Variants in RAPGEF2 observed in about 807,000 individuals in gnomAD.
RAPGEF2 encodes the protein Rap guanine nucleotide exchange factor 2.
A neutral mutation model predicts 186.7 loss-of-function variants in RAPGEF2; 54 were observed. That is an observed-to-expected ratio of 0.29 (90% confidence interval 0.23 to 0.36). The LOEUF is 0.36. RAPGEF2 is among the 10% of genes least tolerant of loss of function. The pLI, the probability that RAPGEF2 is intolerant of heterozygous loss-of-function variation, is 1.00. For synonymous variants in RAPGEF2, 712 were observed against 705.9 expected, an observed-to-expected ratio of 1.01 and a Z score of -0.14; for missense variants, 1,532 against 2,045.0, an observed-to-expected ratio of 0.75 and a Z score of 4.84.
intron 1 of RAPGEF2, among the ~76,000 whole-genome samples, chr4:159,153,628 A>G (rs2111197600): frequency 6.6e-6 from 1 of 152,298 alleles, no homozygotes; most frequent in Admixed American, 6.5e-5. Context: ...CCTATCACTG[A>G]CTTTCTAAGG....
chr4:159,352,460 G>C (rs1016177518), intron 26 of RAPGEF2: 1 of 488,484 alleles, frequency 2.0e-6, no homozygotes, highest in Non-Finnish European at 3.6e-6. Flanking sequence ...CTAGCTTGTA[G>C]GATACTTTCT....
At chr4:159,291,148 T>C (rs1761162732) in intron 7 of RAPGEF2, among the ~76,000 whole-genome samples, 1 of 152,198 alleles carries the variant, frequency 6.6e-6, no homozygotes, top group African/African-American at 2.4e-5. Flanking sequence ...TACCCGTCAC[T>C]AGAAAAGGAG....
At chr4:159,121,133 G>A (rs186751832) in intron 1 of RAPGEF2, among the ~76,000 whole-genome samples, 224 of 152,196 alleles carry the variant, frequency 1.5e-3, no homozygotes, top group African/African-American at 5.0e-3. Flanking sequence ...AATTACAGGC[G>A]TGAGCTTCTG....
chr4:159,331,659 T>C lies in RAPGEF2; in HGVS notation c.1605T>C (p.Asn535=). ...TGGGTGGACACCTAAGGCTGTTGAATATCGCGTGTGCTGCTAAAGCAAAAA... is the reference window on the plus strand; with the variant it reads ...TGGGTGGACACCTAAGGCTGTTGAACATCGCGTGTGCTGCTAAAGCAAAAA... ...EKMGGHLRLL[N]IACAAKAKRR... is the part of the protein sequence containing the mutation. The change falls in exon 15 of 30, where the codon AAT becomes AAC. Residue 535 remains asparagine, a synonymous_variant. Coordinates refer to ENST00000691494, the MANE Select transcript of RAPGEF2 (RefSeq NM_001394067.2). 6.2e-7 allele frequency: 1 copy of C among 1,614,180 alleles called. No homozygotes were observed. Among genetic ancestry groups the C allele is most frequent in the African/African-American group, 1.3e-5 (1 of 75,064 alleles).
At chr4:159,335,794 C>A (rs1422403477) in intron 17 of RAPGEF2, among the ~76,000 whole-genome samples, 1 of 148,158 alleles carries the variant, frequency 6.7e-6, no homozygotes, top group Non-Finnish European at 1.5e-5. Flanking sequence ...CGAGATTGTG[C>A]CACTGCATTA....
intron 1 of RAPGEF2, among the ~76,000 whole-genome samples, chr4:159,150,208 A>G (rs1039316753): frequency 9.2e-5 from 14 of 152,094 alleles, no homozygotes; most frequent in African/African-American, 2.9e-4. Flanking sequence ...TAAAGTCACC[A>G]TGACCACTGA....
chr4:159,191,965 C>A (rs1259054941), intron 2 of RAPGEF2, among the ~76,000 whole-genome samples: 1 of 152,124 alleles, frequency 6.6e-6, no homozygotes, highest in African/African-American at 2.4e-5. Flanking sequence ...CGGGGTCTTA[C>A]ACAGGAGTGC....
intron 1 of RAPGEF2, among the ~76,000 whole-genome samples, chr4:159,107,947 C>A (rs1164940965): frequency 6.6e-6 from 1 of 152,128 alleles, no homozygotes; most frequent in Non-Finnish European, 1.5e-5. Flanking sequence ...TTTTGGGGCT[C>A]TAGTAATATT....
intron 1 of RAPGEF2, among the ~76,000 whole-genome samples, chr4:159,104,447 C>G (rs1400618296): frequency 6.6e-6 from 1 of 150,692 alleles, no homozygotes; most frequent in African/African-American, 2.5e-5. Flanking sequence ...CTCCTTAACT[C>G]TTCCCTCCCC....
At chr4:159,257,418 C>T (rs1354005712) in intron 7 of RAPGEF2, among the ~76,000 whole-genome samples, 2 of 152,130 alleles carry the variant, frequency 1.3e-5, no homozygotes, top group African/African-American at 4.8e-5. Flanking sequence ...ACCATCAAAT[C>T]TCATGAGACC....
chr4:159,216,302 G>A (rs980955449), intron 4 of RAPGEF2, among the ~76,000 whole-genome samples: 1 of 152,148 alleles, frequency 6.6e-6, no homozygotes, highest in Non-Finnish European at 1.5e-5. Flanking sequence ...GAACAAGTAA[G>A]TTGTACGGTG....
chr4:159,329,731 A>T, intron 11 of RAPGEF2, 127 bp from the exon 12 acceptor site: 1 of 692,346 alleles, frequency 1.4e-6, no homozygotes, highest in Non-Finnish European at 2.3e-6. Context: ...TTACAGCATT[A>T]ATTTAGAAAG....
At chr4:159,107,925 T>C (rs115549121) in intron 1 of RAPGEF2, among the ~76,000 whole-genome samples, 2,897 of 152,346 alleles carry the variant, frequency 0.019, 100 homozygotes, top group African/African-American at 0.065. Context: ...ACTCTCATTA[T>C]ATTTTAGCCC....
chr4:159,271,663 T>C (rs1441238673), intron 7 of RAPGEF2, among the ~76,000 whole-genome samples: 1 of 152,178 alleles, frequency 6.6e-6, no homozygotes, highest in Non-Finnish European at 1.5e-5. Context: ...CCTACCCCTA[T>C]GTGACCAAAT....
chr4:159,339,858 T>C (rs562521428), intron 19 of RAPGEF2, among the ~76,000 whole-genome samples: 2 of 152,376 alleles, frequency 1.3e-5, no homozygotes, highest in African/African-American at 4.8e-5. Flanking sequence ...CTGCCTGTTA[T>C]TGTACATTAT....
intron 28 of RAPGEF2, 71 bp downstream of exon 28, chr4:159,354,117 A>C: frequency 7.1e-7 from 1 of 1,399,344 alleles, no homozygotes; most frequent in Non-Finnish European, 9.6e-7. Flanking sequence ...ACAATAGTAA[A>C]ATTATGTGTT....
intron 7 of RAPGEF2, among the ~76,000 whole-genome samples, chr4:159,270,293 A>G (rs950944500): frequency 2.6e-5 from 4 of 152,196 alleles, no homozygotes; most frequent in African/African-American, 9.7e-5. Flanking sequence ...GGAGTTGAAT[A>G]AGAAAATAGT....
intron 7 of RAPGEF2, among the ~76,000 whole-genome samples, chr4:159,288,132 T>C (rs1387153878): frequency 6.6e-6 from 1 of 152,228 alleles, no homozygotes; most frequent in Non-Finnish European, 1.5e-5. Context: ...GTATTCTCTC[T>C]ATAATTTCAT....
At chr4:159,305,522 G>A (rs1346593203) in intron 8 of RAPGEF2, among the ~76,000 whole-genome samples, 1 of 151,890 alleles carries the variant, frequency 6.6e-6, no homozygotes, top group Non-Finnish European at 1.5e-5. Flanking sequence ...ACTTTTTAAT[G>A]GGATTAAATT....
Sources: allele counts gnomAD v4.1 joint callset (sites outside exome capture counted in the v4.1 genomes callset), GRCh38; gene constraint gnomAD v4.1.1; transcripts MANE v1.5; gene names NCBI Gene and HGNC (gene_info 2026-07-23, HGNC 2026-07-21).